Variants in CACNA2D3 observed in about 807,000 individuals in gnomAD.
CACNA2D3 encodes the protein voltage-dependent calcium channel subunit alpha-2/delta-3.
A neutral mutation model predicts 160.6 loss-of-function variants in CACNA2D3; 60 were observed. The observed-to-expected ratio is 0.37, with a 90% confidence interval of 0.30 to 0.46. The LOEUF is 0.46. CACNA2D3 is among the 20% of genes least tolerant of loss of function. The pLI is 1.00. For synonymous variants in CACNA2D3, 558 were observed against 492.9 expected (o/e 1.13, Z -1.75); for missense variants, 1,205 against 1,365.0 (o/e 0.88, Z 1.85).
At chr3:54,220,345 A>G (rs1209755802) in intron 2 of CACNA2D3, among the ~76,000 whole-genome samples, 1 of 152,214 alleles carries the variant, frequency 6.6e-6, no homozygotes, top group African/African-American at 2.4e-5. Context: ...CTGTATATAG[A>G]AAGTTTGTTA....
At chr3:54,996,873 G>A (rs1702870101) in intron 31 of CACNA2D3, among the ~76,000 whole-genome samples, 1 of 152,118 alleles carries the variant, frequency 6.6e-6, no homozygotes, top group South Asian at 2.1e-4. Flanking sequence ...TCCTTTGCAG[G>A]GACATGGATG....
intron 2 of CACNA2D3, among the ~76,000 whole-genome samples, chr3:54,170,716 A>G (rs576944036): frequency 5.3e-5 from 8 of 152,282 alleles, no homozygotes; most frequent in East Asian, 3.9e-4. Context: ...GTTGGAATCA[A>G]TTTAGCTCAG....
intron 5 of CACNA2D3, among the ~76,000 whole-genome samples, chr3:54,559,245 T>G (rs1056767250): frequency 6.6e-6 from 1 of 152,178 alleles, no homozygotes; most frequent in Non-Finnish European, 1.5e-5. Flanking sequence ...AGGAAATACT[T>G]GTTTATTCTC....
chr3:54,493,430 G>C (rs1412459042), intron 4 of CACNA2D3, among the ~76,000 whole-genome samples: 1 of 152,030 alleles, frequency 6.6e-6, no homozygotes, highest in Non-Finnish European at 1.5e-5. Context: ...GGAATCCTTG[G>C]TCCAGAAAAT....
At chr3:54,634,852 C>A (rs1473630862) in intron 10 of CACNA2D3, among the ~76,000 whole-genome samples, 1 of 152,144 alleles carries the variant, frequency 6.6e-6, no homozygotes, top group Non-Finnish European at 1.5e-5. Context: ...TTTTGTGATT[C>A]TTTAGTTACT....
At chr3:54,728,031 T>C (rs541544881) in intron 11 of CACNA2D3, among the ~76,000 whole-genome samples, 1 of 152,354 alleles carries the variant, frequency 6.6e-6, no homozygotes, top group South Asian at 2.1e-4. Flanking sequence ...TTATATACTG[T>C]TTAGAATTTG....
intron 2 of CACNA2D3, among the ~76,000 whole-genome samples, chr3:54,155,932 T>G (rs1243424110): frequency 6.6e-6 from 1 of 152,260 alleles, no homozygotes; most frequent in Non-Finnish European, 1.5e-5. Context: ...AATGTCACTT[T>G]TATTGTTTTC....
intron 2 of CACNA2D3, among the ~76,000 whole-genome samples, chr3:54,289,685 G>A (rs544831758): frequency 1.3e-5 from 2 of 152,312 alleles, no homozygotes; most frequent in Non-Finnish European, 2.9e-5. Context: ...AACCAAAACA[G>A]CATGGTAGTG....
At chr3:54,620,710 T>C (rs1405927280) in intron 9 of CACNA2D3, among the ~76,000 whole-genome samples, 1 of 152,066 alleles carries the variant, frequency 6.6e-6, no homozygotes, top group Non-Finnish European at 1.5e-5. Context: ...CTGCATGCTG[T>C]AGTTTATCAG....
At chr3:54,915,237 TCTTC>T (rs1366358775) in intron 27 of CACNA2D3, among the ~76,000 whole-genome samples, 2 of 152,218 alleles carry the variant, frequency 1.3e-5, no homozygotes, top group African/African-American at 4.8e-5. Context: ...TGATTCTAGG[TCTTC>T]CTTCTCCAAA....
At chr3:54,515,616 G>A (rs1701538023) in intron 5 of CACNA2D3, among the ~76,000 whole-genome samples, 1 of 152,182 alleles carries the variant, frequency 6.6e-6, no homozygotes, top group African/African-American at 2.4e-5. Context: ...ATTGTGTTAA[G>A]TTTCATACTG....
At chr3:54,766,614 T>C (rs778948639) in intron 13 of CACNA2D3, among the ~76,000 whole-genome samples, 1 of 152,186 alleles carries the variant, frequency 6.6e-6, no homozygotes, top group Non-Finnish European at 1.5e-5. Flanking sequence ...AAGATGGACC[T>C]TTAACATCAC....
chr3:54,232,973 G>A (rs867431459), intron 2 of CACNA2D3, among the ~76,000 whole-genome samples: 58 of 152,196 alleles, frequency 3.8e-4, no homozygotes, highest in African/African-American at 1.2e-3. Context: ...AGTCTACTGC[G>A]GAGACACCAG....
intron 34 of CACNA2D3, among the ~76,000 whole-genome samples, chr3:55,017,796 T>G (rs1271847333): frequency 6.6e-6 from 1 of 152,252 alleles, no homozygotes; most frequent in Non-Finnish European, 1.5e-5. Context: ...TTCAATTTTC[T>G]TTCTATAATA....
At chr3:54,680,015 A>T (rs2106912363) in intron 11 of CACNA2D3, among the ~76,000 whole-genome samples, 1 of 152,376 alleles carries the variant, frequency 6.6e-6, no homozygotes, top group African/African-American at 2.4e-5. Context: ...AACCAGTAAC[A>T]GCGGAAAGAG....
At chr3:54,159,420 A>G (rs1407652920) in intron 2 of CACNA2D3, among the ~76,000 whole-genome samples, 1 of 152,216 alleles carries the variant, frequency 6.6e-6, no homozygotes, top group Non-Finnish European at 1.5e-5. Context: ...CCTTTTTAAT[A>G]ACTGTATAAT....
intron 2 of CACNA2D3, among the ~76,000 whole-genome samples, chr3:54,160,072 T>C (rs1420858836): frequency 6.6e-6 from 1 of 152,256 alleles, no homozygotes; most frequent in Non-Finnish European, 1.5e-5. Context: ...TTTTGTAATA[T>C]TGTTTTCTAT....
At chr3:55,059,345 TCATTA>T (rs1454727404) in intron 35 of CACNA2D3, among the ~76,000 whole-genome samples, 2 of 152,256 alleles carry the variant, frequency 1.3e-5, no homozygotes, top group South Asian at 4.1e-4. Context: ...TACCAGAGAA[TCATTA>T]CATTACTATT....
chr3:54,716,491 G>A (rs907375312), intron 11 of CACNA2D3, among the ~76,000 whole-genome samples: 16 of 152,102 alleles, frequency 1.1e-4, no homozygotes, highest in Non-Finnish European at 5.9e-5. Flanking sequence ...TGTCAATTAC[G>A]TATTCATCTT....
Sources: allele counts gnomAD v4.1 joint callset (sites outside exome capture counted in the v4.1 genomes callset), GRCh38; gene constraint gnomAD v4.1.1; transcripts MANE v1.5; gene names NCBI Gene and HGNC (gene_info 2026-07-23, HGNC 2026-07-21).